SCEL: variants seen among roughly 807,000 people sequenced by gnomAD.
The protein encoded by SCEL is sciellin.
A neutral mutation model predicts 117.6 loss-of-function variants in SCEL; 113 were observed. The observed-to-expected ratio is 0.96, with a 90% CI of 0.83 to 1.12. The LOEUF is 1.12. Ranked by LOEUF, SCEL falls within the 50% of genes most tolerant of loss-of-function variation. SCEL has a pLI of 0.00. For synonymous variants in SCEL, 270 were observed against 256.2 expected (o/e 1.05, Z -0.51); for missense variants, 785 against 810.8 (o/e 0.97, Z 0.39).
chr13:77,584,552 C>G (rs2087306272), intron 9 of SCEL, among the ~76,000 whole-genome samples: 1 of 152,200 alleles, frequency 6.6e-6, no homozygotes, highest in African/African-American at 2.4e-5. Context: ...TATTTACCCA[C>G]CTCTTTGAGG....
rs145998826 is a variant in SCEL at position 77,583,307 on chromosome 13, A to G, written c.546-5837A>G. 9.6e-4 allele frequency among the ~76,000 whole-genome samples: 147 copies of G among 152,340 alleles called. 1 individual carries two copies. Among genetic ancestry groups the G allele is most frequent in the African/African-American group, 3.3e-3 (138 of 41,588 alleles). On this transcript the variant is annotated intron_variant, in intron 9 of 32. Coordinates refer to ENST00000349847, the MANE Select transcript of SCEL (RefSeq NM_144777.3). ...AGAAAGTTGGTGGCAAAGCTAGCCT[A>G]GAATCTAGAATCTAGATCTCTAGAA...
intron 24 of SCEL, 86 bp from the exon 25 acceptor site, chr13:77,617,513 C>T (rs1388906466): frequency 1.3e-6 from 1 of 771,510 alleles, no homozygotes; most frequent in African/African-American, 1.7e-5. Context: ...ATGTCTCATA[C>T]TATTATCCTT....
At chr13:77,572,000 G>C in intron 8 of SCEL, 124 bp from the exon 9 acceptor site, 1 of 759,242 alleles carries the variant, frequency 1.3e-6, no homozygotes, top group East Asian at 2.9e-5. Flanking sequence ...ATGAAATAGT[G>C]TTCATTTTAC....
intron 2 of SCEL, 40 bp from the exon 3 acceptor site, chr13:77,556,556 C>A: frequency 6.5e-7 from 1 of 1,544,550 alleles, no homozygotes; most frequent in Non-Finnish European, 9.0e-7. Context: ...CTCAACTCCA[C>A]ACTATTACAT....
intron 9 of SCEL, among the ~76,000 whole-genome samples, chr13:77,579,406 A>G (rs2086140745): frequency 6.6e-6 from 1 of 152,218 alleles, no homozygotes; most frequent in Non-Finnish European, 1.5e-5. Context: ...TATCTACTAG[A>G]CAATGAATTT....
chr13:77,548,250 T>C (rs2084102930), intron 1 of SCEL, among the ~76,000 whole-genome samples: 2 of 152,258 alleles, frequency 1.3e-5, no homozygotes, highest in Non-Finnish European at 1.5e-5. Flanking sequence ...TTAGTCCAAG[T>C]AGCTAATGAG....
At chr13:77,591,667 C>G (rs1320643115) in intron 11 of SCEL, among the ~76,000 whole-genome samples, 1 of 152,118 alleles carries the variant, frequency 6.6e-6, no homozygotes, top group Non-Finnish European at 1.5e-5. Context: ...AAGAAAACTA[C>G]CAAAATGGTG....
At chr13:77,542,177 C>T (rs767144408) in intron 1 of SCEL, among the ~76,000 whole-genome samples, 4 of 152,084 alleles carry the variant, frequency 2.6e-5, no homozygotes, top group Non-Finnish European at 4.4e-5. Context: ...CCGAGGCAGG[C>T]GGATCACGAG....
chr13:77,599,698 C>G lies in SCEL; in HGVS notation c.867C>G (p.Ser289Arg). Residue 289 changes from serine to arginine, a missense_variant, in exon 15 of 33, where the codon AGC (serine) becomes AGG (arginine). By Grantham distance (110) the Ser-to-Arg change is moderately radical (BLOSUM62 -1). Coordinates refer to ENST00000349847, the MANE Select transcript of SCEL (RefSeq NM_144777.3). Reference protein sequence around the residue: ...KVEEREKRAKSLESLIYMSTR... With the variant: ...KVEEREKRAKRLESLIYMSTR... ...TTCTTTGTGTTTTCAGAGCCAAAAG[C>G]CTTGAAAGTCTCATCTATATGAGTA... The G allele has an allele frequency of 1.2e-6, 2 of 1,611,106 alleles. No homozygotes were observed. The highest frequency in any genetic ancestry group is 1.7e-6 in the Non-Finnish European group (2 of 1,177,264).
intron 1 of SCEL, among the ~76,000 whole-genome samples, chr13:77,538,200 T>A (rs545098606): frequency 6.7e-6 from 1 of 149,076 alleles, no homozygotes; most frequent in South Asian, 2.2e-4. Flanking sequence ...TACTGCAGCC[T>A]CCGCCTCCCA....
chr13:77,560,139 G>A (rs1254790629), intron 4 of SCEL, among the ~76,000 whole-genome samples: 1 of 151,808 alleles, frequency 6.6e-6, no homozygotes, highest in African/African-American at 2.4e-5. Flanking sequence ...ATAGAAACAC[G>A]ATCATATCAG....
At chr13:77,537,698 T>C (rs997317296) in intron 1 of SCEL, among the ~76,000 whole-genome samples, 2 of 152,228 alleles carry the variant, frequency 1.3e-5, no homozygotes, top group Non-Finnish European at 2.9e-5. Flanking sequence ...GATGCTTACC[T>C]GACTGCCTTC....
At chr13:77,555,720 T>C in intron 1 of SCEL, 137 bp from the exon 2 acceptor site, 1 of 592,172 alleles carries the variant, frequency 1.7e-6, no homozygotes. Context: ...TTAGGGGCAC[T>C]TTATGTCATG....
At chr13:77,617,781 C>G (rs1357091208) in intron 25 of SCEL, 22 bp from the exon 26 acceptor site, 1 of 1,588,800 alleles carries the variant, frequency 6.3e-7, no homozygotes, top group African/African-American at 1.4e-5. Context: ...AACCTGCTCT[C>G]ATTTTATTTT....
chr13:77,614,028 T>A, intron 24 of SCEL, 73 bp downstream of exon 24: 1 of 1,189,656 alleles, frequency 8.4e-7, no homozygotes, highest in Non-Finnish European at 1.2e-6. Flanking sequence ...GATTTAGAAT[T>A]ATTCTATGGG....
At chr13:77,637,347 C>G (rs12857742) in intron 30 of SCEL, among the ~76,000 whole-genome samples, 153 bp downstream of exon 30, 1 of 137,980 alleles carries the variant, frequency 7.2e-6, no homozygotes, top group African/African-American at 2.6e-5. Context: ...AACATATATA[C>G]ATATATAAAC....
intron 27 of SCEL, among the ~76,000 whole-genome samples, chr13:77,621,094 A>G (rs1180809922): frequency 6.6e-6 from 1 of 152,118 alleles, no homozygotes; most frequent in Non-Finnish European, 1.5e-5. Flanking sequence ...AGTCCAGATT[A>G]TTGTTCAGCC....
At chr13:77,566,209 T>A (rs2085279413) in intron 5 of SCEL, among the ~76,000 whole-genome samples, 1 of 152,204 alleles carries the variant, frequency 6.6e-6, no homozygotes, top group African/African-American at 2.4e-5. Context: ...CAGAATCGAA[T>A]ATATGACATT....
intron 24 of SCEL, among the ~76,000 whole-genome samples, chr13:77,614,949 T>C (rs2088915661): frequency 1.3e-5 from 2 of 152,242 alleles, no homozygotes; most frequent in Middle Eastern, 3.4e-3. Context: ...GTCAATCTTA[T>C]TAACAGCAGG....
Sources: gnomAD v4.1 joint callset for allele counts (sites outside exome capture counted in the v4.1 genomes callset) on GRCh38, gnomAD v4.1.1 for gene constraint, MANE v1.5 for transcripts, NCBI Gene and HGNC (gene_info 2026-07-23, HGNC 2026-07-21) for gene names.